CEP295: variants seen among roughly 807,000 people sequenced by gnomAD.
CEP295 encodes centrosomal protein of 295 kDa.
A neutral mutation model predicts 291.6 loss-of-function variants in CEP295; 190 were observed. The ratio of observed to expected loss-of-function variants is 0.65; its 90% CI spans 0.58 to 0.73. The LOEUF (loss-of-function observed/expected upper bound fraction) is 0.73, where lower values mean the gene tolerates loss of function less well. CEP295 is among the 30% of genes least tolerant of loss of function. The probability of loss-of-function intolerance (pLI) is 0.00; values close to 1 mark genes in which losing one functional copy is unlikely to be tolerated. For synonymous variants in CEP295, 993 were observed against 1,038.8 expected, an observed-to-expected ratio of 0.96 and a Z score of 0.85; for missense variants, 2,863 against 2,949.4, an observed-to-expected ratio of 0.97 and a Z score of 0.68.
Position 93,698,890 on chromosome 11 carries a change from C to A in CEP295, c.3978C>A (p.Ser1326Arg), listed in dbSNP as rs1014527853. 9.7e-6 allele frequency: 15 copies of A among 1,551,544 alleles called. No homozygotes were observed. Among genetic ancestry groups the A allele is most frequent in the Non-Finnish European group, 1.3e-5 (15 of 1,146,990 alleles). ...AGAGTGAAAGTAAAATTTTTTCAAG[C>A]CACCTTCAGATCCCACAATTGCAGG... is the stretch of plus-strand genomic sequence containing the variant. ...FTESESKIFSSHLQIPQLQDR... is the reference protein window; with the variant it reads ...FTESESKIFSRHLQIPQLQDR... The change falls in exon 15 of 30, where the codon AGC (serine) becomes AGA (arginine). Residue 1326 changes from serine (S) to arginine (R), a missense_variant. Physicochemically the swap from Ser to Arg is moderately radical, Grantham distance 110 (BLOSUM62 -1). Transcript: ENST00000325212.
In CEP295 at chr11:93,699,270, A is replaced by G. The variant is rs1317429378; in HGVS notation, c.4358A>G (p.Gln1453Arg). 6.4e-7 allele frequency: 1 copy of G among 1,551,908 alleles called. No individual in the cohort carries two copies. Among genetic ancestry groups the G allele is most frequent in the South Asian group, 1.2e-5 (1 of 84,058 alleles). Reference sequence around the variant, plus strand: ...TTATCACATCTTGTTTTACCTCAACAAGATAATTTGATTGCACTTGAAGAA... The same window carrying G: ...TTATCACATCTTGTTTTACCTCAACGAGATAATTTGATTGCACTTGAAGAA... Reference protein sequence around the residue: ...LGLSHLVLPQQDNLIALEEHL... With the variant: ...LGLSHLVLPQRDNLIALEEHL... Residue 1453 changes from glutamine to arginine, a missense_variant, in exon 15 of 30, where the codon CAA (glutamine) becomes CGA (arginine). Around this residue, in one of 3 missense-constraint regions of CEP295, gnomAD observed 2,295 missense variants for 2,335.7 expected, o/e 0.98. Coordinates refer to ENST00000325212, the MANE Select transcript of CEP295 (RefSeq NM_033395.2).
At chr11:93,684,186 C>T (rs911453548) in intron 9 of CEP295, 58 bp downstream of exon 9, 2 of 1,453,218 alleles carry the variant, frequency 1.4e-6, no homozygotes, top group Admixed American at 2.2e-5. Flanking sequence ...AAATGCTAAC[C>T]ATTAGCCAGC....
At chr11:93,729,377 G>A in intron 25 of CEP295, 57 bp from the exon 26 acceptor site, 1 of 1,211,596 alleles carries the variant, frequency 8.3e-7, no homozygotes, top group East Asian at 2.5e-5. Context: ...TGACAGCAGA[G>A]CAAGACCCGC....
intron 15 of CEP295, among the ~76,000 whole-genome samples, chr11:93,700,907 T>C (rs1380849041): frequency 1.3e-5 from 2 of 152,166 alleles, no homozygotes; most frequent in African/African-American, 2.4e-5. Context: ...AGTGACACTA[T>C]TATGGTTTGT....
chr11:93,684,204 A>G, intron 9 of CEP295, 76 bp downstream of exon 9: 1 of 1,316,704 alleles, frequency 7.6e-7, no homozygotes, highest in Non-Finnish European at 1.0e-6. Context: ...AGCAGTTAGG[A>G]AAATCTGGTC....
intron 20 of CEP295, chr11:93,722,827 G>C: frequency 2.5e-6 from 1 of 393,728 alleles, no homozygotes; most frequent in Non-Finnish European, 4.6e-6. Flanking sequence ...GTGCAATCTC[G>C]GCTCTCCCGA....
At chr11:93,717,577 C>G (rs1953361698) in intron 18 of CEP295, among the ~76,000 whole-genome samples, 1 of 152,074 alleles carries the variant, frequency 6.6e-6, no homozygotes, top group African/African-American at 2.4e-5. Flanking sequence ...AAGTTCTTAT[C>G]TAGGAGGTGG....
intron 19 of CEP295, 81 bp downstream of exon 19, chr11:93,721,493 G>A: frequency 1.1e-6 from 1 of 917,320 alleles, no homozygotes; most frequent in Non-Finnish European, 1.8e-6. Context: ...CAGAAGCTAT[G>A]TTATAACATT....
rs1200542669 is a variant in CEP295, at chr11:93,699,571, C to T, written c.4659C>T (p.Ser1553=). ...AAGTTTGCTCCTCTTCATTTGTATC[C>T]CAGGTGCCTGTTGCTGACTCTGAAA... The part of the protein sequence containing the change: ...SEQVCSSSFV[S]QVPVADSERT... The change falls in exon 15 of 30, where the codon TCC becomes TCT. Residue 1553 remains serine (S), a synonymous_variant. Coordinates refer to ENST00000325212, the MANE Select transcript of CEP295 (RefSeq NM_033395.2). 6.4e-7 allele frequency: 1 copy of T among 1,551,802 alleles called. No individual in the cohort carries two copies. Among genetic ancestry groups the T allele is most frequent in the Non-Finnish European group, 8.7e-7 (1 of 1,147,080 alleles).
Position 93,730,316 on chromosome 11 carries a change from T to A in CEP295, c.*47T>A. On this transcript the variant is annotated 3_prime_UTR_variant, in exon 30 of 30. Coordinates refer to ENST00000325212, the MANE Select transcript of CEP295 (RefSeq NM_033395.2). ...GTTTTTTAATTGTGTATATGTAGCA[T>A]TAGACAAAATTATTTAAAGTCAATA... 1 of 1,248,888 alleles carries A rather than the reference T, an allele frequency of 8.0e-7. No individual in the cohort carries two copies. The highest frequency in any genetic ancestry group is 1.1e-6 in the Non-Finnish European group (1 of 877,520). 77.4% of individuals were successfully genotyped at this position (1,248,888 alleles called of 1,614,324 possible).
intron 13 of CEP295, 47 bp from the exon 14 acceptor site, chr11:93,696,273 C>A: frequency 8.9e-7 from 1 of 1,123,066 alleles, no homozygotes; most frequent in Non-Finnish European, 1.3e-6. Flanking sequence ...TACTTCAATA[C>A]TTACTTCTAA....
At chr11:93,703,572 C>G (rs1276131189) in intron 17 of CEP295, among the ~76,000 whole-genome samples, 1 of 150,956 alleles carries the variant, frequency 6.6e-6, no homozygotes, top group African/African-American at 2.4e-5. Flanking sequence ...AGGATACACT[C>G]AGGTTTTTTT....
Position 93,696,671 on chromosome 11 carries a change from GT to G in CEP295, c.1770-6del. 1 of 1,514,250 alleles carries G rather than the reference GT, an allele frequency of 6.6e-7. No homozygotes were observed. Among genetic ancestry groups the G allele is most frequent in the Non-Finnish European group, 8.8e-7 (1 of 1,132,702 alleles). The allele number at this position is 1,514,250 out of a possible 1,614,324, so 93.8% of individuals were successfully genotyped here. ...TAAAAAACAATAATTGTTTGCTTTT[GT>G]TTTTGGTAGGTTACACAGGCAGTCT... On this transcript the variant is annotated splice_polypyrimidine_tract_variant and intron_variant, in intron 14 of 29. Transcript: ENST00000325212.
At position 93,698,972 on chromosome 11, in the gene CEP295, C is replaced by T. The variant is rs1184887276; in HGVS notation, c.4060C>T (p.Leu1354Phe). The change falls in exon 15 of 30, where the codon CTT (leucine) becomes TTT (phenylalanine). Residue 1354 changes from leucine (L) to phenylalanine (F), a missense_variant. Leu to Phe is a conservative substitution (Grantham distance 22). Around this residue, in one of 3 missense-constraint regions of CEP295, gnomAD observed 2,295 missense variants for 2,335.7 expected, o/e 0.98. Coordinates refer to ENST00000325212, the MANE Select transcript of CEP295 (RefSeq NM_033395.2). Reference protein sequence around the residue: ...IQPQQDNLKALQEQLATQREA... With the variant: ...IQPQQDNLKAFQEQLATQREA... ...GCCTCAACAAGATAATTTGAAGGCA[C>T]TTCAAGAACAGTTAGCTACACAGAG... 6.4e-7 allele frequency: 1 copy of T among 1,550,896 alleles called. No homozygotes were observed. Among genetic ancestry groups the T allele is most frequent in the South Asian group, 1.2e-5 (1 of 84,054 alleles).
chr11:93,706,484 G>T (rs544356100), intron 17 of CEP295, among the ~76,000 whole-genome samples: 6 of 152,214 alleles, frequency 3.9e-5, no homozygotes, highest in African/African-American at 1.2e-4. Flanking sequence ...TGTTATAATG[G>T]CTGGTAAATT....
intron 18 of CEP295, among the ~76,000 whole-genome samples, chr11:93,715,037 G>A (rs1020799351): frequency 6.6e-6 from 1 of 152,194 alleles, no homozygotes; most frequent in African/African-American, 2.4e-5. Context: ...GGGCTCTACA[G>A]TCAGCAGGTG....
chr11:93,705,602 A>T (rs949075272), intron 17 of CEP295, among the ~76,000 whole-genome samples: 1 of 152,128 alleles, frequency 6.6e-6, no homozygotes, highest in Non-Finnish European at 1.5e-5. Context: ...GCATCCTGCT[A>T]TTGTTTCATG....
chr11:93,728,372 C>G, intron 24 of CEP295: 1 of 207,468 alleles, frequency 4.8e-6, no homozygotes, highest in Non-Finnish European at 9.5e-6. Context: ...CACAGCCAAC[C>G]TGCATTTATA....
In CEP295 at chr11:93,722,032, T is replaced by C. The variant is rs890204937; in HGVS notation, c.5929T>C (p.Leu1977=). 2.6e-6 allele frequency: 4 copies of C among 1,555,110 alleles called. No individual in the cohort carries two copies. The Admixed American group carries it at 5.8e-5, about 23-fold the overall frequency. The change falls in exon 20 of 30, where the codon TTG becomes CTG. Residue 1977 remains leucine, a synonymous_variant. Coordinates refer to ENST00000325212, the MANE Select transcript of CEP295 (RefSeq NM_033395.2). ...GSLLSYENTD[L]SLTDPESFSE... is the part of the protein sequence containing the mutation. Reference sequence around the variant, plus strand: ...CCTTTTAAGTTATGAAAACACAGATTTGAGCCTTACAGATCCAGGTAATAA... The same window carrying C: ...CCTTTTAAGTTATGAAAACACAGATCTGAGCCTTACAGATCCAGGTAATAA...
Sources: allele counts gnomAD v4.1 joint callset (sites outside exome capture counted in the v4.1 genomes callset), GRCh38; gene constraint gnomAD v4.1.1; regional missense constraint gnomAD v4.1.1; transcripts MANE v1.5; gene names NCBI Gene and HGNC (gene_info 2026-07-23, HGNC 2026-07-21).